The following FSTL4 variants were observed in gnomAD, a reference collection of about 807,000 sequenced individuals.
The protein encoded by FSTL4 is follistatin-related protein 4.
FSTL4 carries 28 observed loss-of-function variants against 78.2 expected under a neutral mutation model. The observed-to-expected ratio is 0.36, with a 90% CI of 0.27 to 0.49. FSTL4 has a LOEUF of 0.49. Ranked by LOEUF, FSTL4 falls within the 20% of genes least tolerant of loss-of-function variation. The pLI is 0.98. For missense variants in FSTL4, 922 were observed against 1,084.9 expected, an observed-to-expected ratio of 0.85 and a Z score of 2.11; for synonymous variants, 422 against 440.5, an observed-to-expected ratio of 0.96 and a Z score of 0.53.
intron 4 of FSTL4, among the ~76,000 whole-genome samples, chr5:133,324,827 G>C (rs988211977): frequency 1.3e-5 from 2 of 152,220 alleles, no homozygotes; most frequent in African/African-American, 4.8e-5. Context: ...CTCTGAAGGG[G>C]GCTAGTGCCT....
At chr5:133,689,009 C>T in the FSTL4 span, among the ~76,000 whole-genome samples, 11 of 152,258 alleles carry the variant, frequency 7.2e-5, no homozygotes, top group African/African-American at 2.2e-4. Context: ...GCAGGCAGAG[C>T]GTCGCTAAGA....
intron 3 of FSTL4, among the ~76,000 whole-genome samples, chr5:133,412,415 G>C (rs1756494694): frequency 6.6e-6 from 1 of 152,180 alleles, no homozygotes. Flanking sequence ...ATGGGAAAAT[G>C]ATAGCTCTCT....
At chr5:133,282,536 C>T (rs1437684273) in intron 6 of FSTL4, among the ~76,000 whole-genome samples, 1 of 152,190 alleles carries the variant, frequency 6.6e-6, no homozygotes, top group Non-Finnish European at 1.5e-5. Flanking sequence ...GATCATTTCT[C>T]CCATACGATT....
chr5:133,288,229 C>A (rs1753181386), intron 6 of FSTL4, among the ~76,000 whole-genome samples: 1 of 152,250 alleles, frequency 6.6e-6, no homozygotes, highest in African/African-American at 2.4e-5. Context: ...AGTGACTTAA[C>A]CTTTCTGAGG....
intron 3 of FSTL4, among the ~76,000 whole-genome samples, chr5:133,433,951 G>A (rs371594571): frequency 1.3e-5 from 2 of 152,142 alleles, no homozygotes; most frequent in Non-Finnish European, 2.9e-5. Context: ...CCGAGCCATG[G>A]CAAAGGGAAA....
chr5:133,448,084 C>G (rs954170469), intron 3 of FSTL4, among the ~76,000 whole-genome samples: 3 of 152,238 alleles, frequency 2.0e-5, no homozygotes, highest in Admixed American at 1.3e-4. Context: ...TCTTTGCTCA[C>G]ACTTGAGATG....
At chr5:133,809,093 C>T in the FSTL4 span, among the ~76,000 whole-genome samples, 2 of 151,858 alleles carry the variant, frequency 1.3e-5, no homozygotes, top group African/African-American at 4.8e-5. Flanking sequence ...AGGCCAGGTG[C>T]GGTGGCTCAC....
upstream of FSTL4, among the ~76,000 whole-genome samples, chr5:133,614,825 T>C (rs1561487757): frequency 6.6e-6 from 1 of 152,176 alleles, no homozygotes; most frequent in Non-Finnish European, 1.5e-5. Flanking sequence ...TAAATTCCAG[T>C]TACTGCCCCC....
the FSTL4 span, among the ~76,000 whole-genome samples, chr5:133,737,516 A>T: frequency 6.6e-6 from 1 of 151,894 alleles, no homozygotes; most frequent in Non-Finnish European, 1.5e-5. Flanking sequence ...GTTGATGGAC[A>T]CTTAGGCTGC....
chr5:133,808,022 A>T, the FSTL4 span, among the ~76,000 whole-genome samples: 30,909 of 152,126 alleles, frequency 0.2, 3,319 homozygotes, highest in African/African-American at 0.24. Context: ...TGAACTCCTT[A>T]AAAAAAGGGG....
At chr5:133,282,189 G>T (rs891267229) in intron 6 of FSTL4, among the ~76,000 whole-genome samples, 7 of 152,142 alleles carry the variant, frequency 4.6e-5, no homozygotes, top group Non-Finnish European at 7.4e-5. Context: ...AAAGGAGTTT[G>T]CCCAGAAGAT....
At chr5:133,567,048 G>A in intron 3 of FSTL4, 138 bp downstream of exon 3, 3 of 702,234 alleles carry the variant, frequency 4.3e-6, no homozygotes, top group Non-Finnish European at 7.7e-6. Flanking sequence ...CAAGTGCTAA[G>A]CAGTCAGCAC....
intron 3 of FSTL4, among the ~76,000 whole-genome samples, chr5:133,492,446 C>A (rs545516516): frequency 2.0e-5 from 3 of 152,228 alleles, no homozygotes; most frequent in Admixed American, 1.3e-4. Context: ...CCTCTTAAAT[C>A]TTTATCAGAG....
intron 6 of FSTL4, among the ~76,000 whole-genome samples, chr5:133,269,343 CTG>C (rs1201365322): frequency 1.3e-5 from 2 of 152,122 alleles, no homozygotes; most frequent in Non-Finnish European, 2.9e-5. Flanking sequence ...GAGAGAAAGC[CTG>C]TGTGGGTCCA....
the FSTL4 span, among the ~76,000 whole-genome samples, chr5:133,826,794 C>T: frequency 6.6e-6 from 1 of 152,236 alleles, no homozygotes; most frequent in Non-Finnish European, 1.5e-5. Flanking sequence ...TATACCCCAA[C>T]CTAAGGGAAT....
intron 3 of FSTL4, among the ~76,000 whole-genome samples, chr5:133,465,655 A>C (rs1468743995): frequency 6.6e-6 from 1 of 152,202 alleles, no homozygotes; most frequent in African/African-American, 2.4e-5. Flanking sequence ...GGGTTGGGCC[A>C]GTGCTCACTG....
intron 6 of FSTL4, among the ~76,000 whole-genome samples, chr5:133,281,765 G>A (rs1029775517): frequency 2.0e-5 from 3 of 152,188 alleles, no homozygotes; most frequent in African/African-American, 4.8e-5. Flanking sequence ...GACATGAAGA[G>A]GGGATATAGA....
chr5:133,259,284 G>A (rs1367392652), intron 6 of FSTL4, among the ~76,000 whole-genome samples: 1 of 152,036 alleles, frequency 6.6e-6, no homozygotes, highest in Non-Finnish European at 1.5e-5. Flanking sequence ...ATGGGAGCAA[G>A]GACATTCTAG....
chr5:133,717,397 G>C, the FSTL4 span, among the ~76,000 whole-genome samples: 2 of 152,142 alleles, frequency 1.3e-5, no homozygotes, highest in African/African-American at 4.8e-5. Context: ...AATTTGATTG[G>C]TACTATTTTG....
Sources: allele counts gnomAD v4.1 joint callset (sites outside exome capture counted in the v4.1 genomes callset), GRCh38; gene constraint gnomAD v4.1.1; transcripts MANE v1.5; gene names NCBI Gene and HGNC (gene_info 2026-07-23, HGNC 2026-07-21).